The following CFAP58 variants were observed in gnomAD, a reference collection of about 807,000 sequenced individuals.
CFAP58 encodes the protein cilia and flagella associated protein 58, also known as cilia- and flagella-associated protein 58.
Under a neutral mutation model 119.5 loss-of-function variants are expected in CFAP58, and 88 were observed. The observed-to-expected ratio is 0.74, with a 90% CI of 0.62 to 0.88. CFAP58 has a LOEUF of 0.88. Ranked by LOEUF, CFAP58 falls within the 40% of genes least tolerant of loss-of-function variation. CFAP58 has a pLI of 0.00. For missense variants in CFAP58, 990 were observed against 1,021.2 expected, an observed-to-expected ratio of 0.97 and a Z score of 0.42; for synonymous variants, 365 against 366.3, an observed-to-expected ratio of 1.00 and a Z score of 0.04.
chr10:104,449,990 C>A, intron 16 of CFAP58, 81 bp from the exon 17 acceptor site: 2 of 1,376,724 alleles, frequency 1.5e-6, no homozygotes, highest in Non-Finnish European at 2.0e-6. Context: ...AGCTCCACTG[C>A]GGTAAATGGT....
intron 9 of CFAP58, among the ~76,000 whole-genome samples, chr10:104,383,770 A>ACACACACG (rs2011867605): frequency 6.6e-6 from 1 of 151,830 alleles, no homozygotes; most frequent in Admixed American, 6.6e-5. Flanking sequence ...ACACACACAC[A>ACACACACG]CACACACACA....
intron 2 of CFAP58, among the ~76,000 whole-genome samples, chr10:104,360,691 T>C (rs2014655375): frequency 1.3e-5 from 2 of 152,174 alleles, no homozygotes; most frequent in South Asian, 4.1e-4. Flanking sequence ...TGTCCATGTG[T>C]TCTCATCATT....
intron 15 of CFAP58, among the ~76,000 whole-genome samples, chr10:104,411,306 A>G (rs1435279222): frequency 3.9e-5 from 6 of 152,136 alleles, no homozygotes; most frequent in African/African-American, 1.4e-4. Context: ...TTTATTTTAT[A>G]GAGACTCTTT....
At chr10:104,427,088 A>C (rs1308500054) in intron 15 of CFAP58, among the ~76,000 whole-genome samples, 3 of 152,218 alleles carry the variant, frequency 2.0e-5, no homozygotes, top group Non-Finnish European at 4.4e-5. Flanking sequence ...AGGAAATTAA[A>C]ATAGTCACAA....
intron 5 of CFAP58, among the ~76,000 whole-genome samples, chr10:104,367,050 G>T (rs1432538585): frequency 6.6e-6 from 1 of 151,872 alleles, no homozygotes; most frequent in Non-Finnish European, 1.5e-5. Flanking sequence ...GTAGAGACAG[G>T]GTGTCACCAT....
At chr10:104,413,942 A>G (rs2012502958) in intron 15 of CFAP58, among the ~76,000 whole-genome samples, 1 of 152,206 alleles carries the variant, frequency 6.6e-6, no homozygotes. Context: ...ATGCTTAAAT[A>G]TGGGGTAACA....
chr10:104,431,778 G>A (rs1023546294), intron 15 of CFAP58, among the ~76,000 whole-genome samples: 8 of 152,044 alleles, frequency 5.3e-5, no homozygotes, highest in African/African-American at 9.7e-5. Flanking sequence ...AAATAGATGC[G>A]TTTACAATGT....
intron 11 of CFAP58, among the ~76,000 whole-genome samples, chr10:104,398,356 A>G (rs139264383): frequency 2.0e-5 from 3 of 152,332 alleles, no homozygotes; most frequent in African/African-American, 7.2e-5. Context: ...TGGAATCTCA[A>G]TCTGCTATTT....
rs545044243 is a variant in CFAP58, at chr10:104,435,247, C to G, written c.2257-12451C>G. On this transcript the variant is annotated intron_variant, in intron 15 of 17. Transcript: ENST00000369704. Reference sequence around the variant, plus strand: ...CTGTAATCCCAGCACTTTGGGAGGCCGAGGCGGGCAGATCATTTGAGGTCA... The same window carrying G: ...CTGTAATCCCAGCACTTTGGGAGGCGGAGGCGGGCAGATCATTTGAGGTCA... 1.2e-4 allele frequency among the ~76,000 whole-genome samples: 19 copies of G among 152,282 alleles called. No individual in the cohort carries two copies. In the South Asian group the frequency reaches 3.7e-3, roughly 30 times the overall value.
At chr10:104,423,798 A>G (rs983343613) in intron 15 of CFAP58, among the ~76,000 whole-genome samples, 1 of 152,242 alleles carries the variant, frequency 6.6e-6, no homozygotes, top group African/African-American at 2.4e-5. Context: ...TGAAATTAGA[A>G]GAAAATAGTT....
At position 104,406,687 on chromosome 10, in the gene CFAP58, A is replaced by G. The variant is rs770517583; in HGVS notation, c.2152-2A>G. ...GCTGCTATTGTTGTTCCCCTTGGAC[A>G]GGCCAGCGACCCCAATGCATATGAG... On this transcript the variant is annotated splice_acceptor_variant, in intron 14 of 17. Transcript: ENST00000369704. LOFTEE classifies it high-confidence loss of function. 1.2e-6 allele frequency: 2 copies of G among 1,613,912 alleles called. No individual in the cohort carries two copies. Among genetic ancestry groups the G allele is most frequent in the Non-Finnish European group, 1.7e-6 (2 of 1,179,762 alleles).
chr10:104,415,422 G>A (rs191597868), intron 15 of CFAP58, among the ~76,000 whole-genome samples: 3 of 152,168 alleles, frequency 2.0e-5, no homozygotes, highest in Non-Finnish European at 4.4e-5. Flanking sequence ...CTGGGCATTT[G>A]TTCAATGACT....
chr10:104,401,752 CTTTTTCT>C (rs1254856893), intron 13 of CFAP58, among the ~76,000 whole-genome samples: 2 of 146,868 alleles, frequency 1.4e-5, no homozygotes, highest in African/African-American at 2.6e-5. Context: ...TAAATCAATA[CTTTTTCT>C]TTTTTTTTTT....
At chr10:104,382,778 C>T (rs2011840379) in intron 9 of CFAP58, among the ~76,000 whole-genome samples, 1 of 152,302 alleles carries the variant, frequency 6.6e-6, no homozygotes, top group African/African-American at 2.4e-5. Flanking sequence ...ATGCCTGCTT[C>T]CCCATCCACC....
intron 6 of CFAP58, among the ~76,000 whole-genome samples, chr10:104,370,566 C>T (rs563648627): frequency 7.2e-5 from 11 of 152,298 alleles, no homozygotes; most frequent in East Asian, 1.9e-4. Flanking sequence ...TACCTCCCAT[C>T]GGGTTCCTCC....
At chr10:104,358,036 T>C (rs548389705) in intron 1 of CFAP58, among the ~76,000 whole-genome samples, 4 of 145,714 alleles carry the variant, frequency 2.7e-5, no homozygotes, top group East Asian at 2.2e-4. Context: ...TATACATATG[T>C]ACATATACAC....
chr10:104,435,534 C>T (rs1450156369), intron 15 of CFAP58, among the ~76,000 whole-genome samples: 1 of 152,150 alleles, frequency 6.6e-6, no homozygotes, highest in African/African-American at 2.4e-5. Context: ...AACCCTTGTC[C>T]TTTTTAGCCT....
chr10:104,415,668 C>T (rs1001951877), intron 15 of CFAP58, among the ~76,000 whole-genome samples: 4 of 152,156 alleles, frequency 2.6e-5, no homozygotes, highest in Admixed American at 6.5e-5. Context: ...ATACCTGTTA[C>T]GTGAGATCAG....
intron 9 of CFAP58, among the ~76,000 whole-genome samples, chr10:104,390,496 G>A (rs2012012016): frequency 6.6e-6 from 1 of 152,072 alleles, no homozygotes; most frequent in Non-Finnish European, 1.5e-5. Context: ...ATTTTGATCT[G>A]TTTCCTTCTT....
Sources: gnomAD v4.1 joint callset for allele counts (sites outside exome capture counted in the v4.1 genomes callset) on GRCh38, gnomAD v4.1.1 for gene constraint, MANE v1.5 for transcripts, NCBI Gene and HGNC (gene_info 2026-07-23, HGNC 2026-07-21) for gene names.